Variants in ASAP1 observed in about 807,000 individuals in gnomAD.
ASAP1 encodes arf-GAP with SH3 domain, ANK repeat and PH domain-containing protein 1.
Under a neutral mutation model 145.2 loss-of-function variants are expected in ASAP1, and 43 were observed. The ratio of observed to expected loss-of-function variants is 0.30; its 90% CI spans 0.23 to 0.38. ASAP1 has a LOEUF of 0.38. Ranked by LOEUF, ASAP1 falls within the 10% of genes least tolerant of loss-of-function variation. ASAP1 has a pLI of 1.00. For synonymous variants in ASAP1, 546 were observed against 515.5 expected (o/e 1.06, Z -0.80); for missense variants, 1,018 against 1,355.3 (o/e 0.75, Z 3.91).
intron 23 of ASAP1, among the ~76,000 whole-genome samples, chr8:130,114,100 T>A (rs747035172): frequency 6.6e-6 from 1 of 152,198 alleles, no homozygotes; most frequent in Non-Finnish European, 1.5e-5. Context: ...TCAATAAAGA[T>A]GATCTGAGAT....
At chr8:130,278,071 GA>G (rs200810772) in intron 3 of ASAP1, among the ~76,000 whole-genome samples, 3,057 of 108,100 alleles carry the variant, frequency 0.028, 76 homozygotes, top group African/African-American at 0.082. Flanking sequence ...TTGAAAACCA[GA>G]AAAAAAAAAA....
chr8:130,100,425 G>A (rs987921856), intron 24 of ASAP1, among the ~76,000 whole-genome samples: 1 of 151,962 alleles, frequency 6.6e-6, no homozygotes, highest in Non-Finnish European at 1.5e-5. Context: ...CGCCTCCCAG[G>A]TTCGGGTGAT....
In ASAP1 at chr8:130,443,034, G is replaced by A. The variant is rs542870558; in HGVS notation, c.-28+426C>T. Among the ~76,000 whole-genome samples, 5 of 152,240 alleles carry A rather than the reference G, an allele frequency of 3.3e-5. No individual in the cohort carries two copies. The South Asian group carries it at 1.0e-3, about 32-fold the overall frequency. ...GTCCGGGTAGGGGCCGGGGGCCGCG[G>A]GGAACTTTCCTCGGCTGCACCAGAG... On this transcript the variant is annotated intron_variant, in intron 1 of 29. Coordinates refer to ENST00000518721, the MANE Select transcript of ASAP1 (RefSeq NM_018482.4).
intron 28 of ASAP1, among the ~76,000 whole-genome samples, chr8:130,059,853 G>A (rs1443294684): frequency 1.3e-5 from 2 of 152,004 alleles, no homozygotes; most frequent in Admixed American, 6.6e-5. Flanking sequence ...CAAGATGGGA[G>A]GAGTGCTTGA....
chr8:130,205,382 G>GAAAAAAAAAAAAAAA (rs771590453), intron 5 of ASAP1, among the ~76,000 whole-genome samples: 1 of 57,056 alleles, frequency 1.8e-5, no homozygotes, highest in African/African-American at 6.0e-5. Flanking sequence ...ATCCTTATAA[G>GAAAAAAAAAAAAAAA]AAAAAAAAAA....
intron 27 of ASAP1, among the ~76,000 whole-genome samples, chr8:130,073,407 A>T: frequency 6.6e-6 from 1 of 150,882 alleles, no homozygotes; most frequent in Middle Eastern, 3.4e-3. Context: ...AAAAAAAAAC[A>T]AATACAAATG....
rs771887908 is a variant in ASAP1 at position 130,060,813 on chromosome 8, C to T, written c.2958G>A (p.Met986Ile). ...QLSDLPPKPQ[M>I]KDLPPKPQLG... ...GCTGTGGTTTGGGGGGCAGGTCCTT[C>T]ATCTGTGGTTTGGGAGGTAAGTCTG... Residue 986 changes from methionine (M) to isoleucine (I), a missense_variant, in exon 28 of 30, where the codon ATG becomes ATA. By Grantham distance (10) the Met-to-Ile change is conservative (BLOSUM62 1). Coordinates refer to ENST00000518721, the MANE Select transcript of ASAP1 (RefSeq NM_018482.4). 1.9e-6 allele frequency: 3 copies of T among 1,613,154 alleles called. No individual in the cohort carries two copies. In the African/African-American group the frequency reaches 4.0e-5, roughly 22 times the overall value.
intron 3 of ASAP1, among the ~76,000 whole-genome samples, chr8:130,261,010 C>A (rs1044596829): frequency 3.3e-5 from 5 of 152,076 alleles, no homozygotes; most frequent in African/African-American, 9.7e-5. Flanking sequence ...GAGATGCAGT[C>A]CACATTTATT....
chr8:130,244,760 A>C (rs1381514685), intron 3 of ASAP1, among the ~76,000 whole-genome samples: 4 of 152,134 alleles, frequency 2.6e-5, no homozygotes, highest in Non-Finnish European at 5.9e-5. Context: ...GGAGCTAACT[A>C]AGAGTGTCCC....
intron 3 of ASAP1, among the ~76,000 whole-genome samples, chr8:130,349,530 T>C (rs1045851955): frequency 2.0e-5 from 3 of 152,194 alleles, no homozygotes; most frequent in African/African-American, 4.8e-5. Context: ...ATGAGGAAAG[T>C]AGGACACAGT....
chr8:130,306,175 TAGAG>T (rs1010370273), intron 3 of ASAP1, among the ~76,000 whole-genome samples: 3 of 152,216 alleles, frequency 2.0e-5, no homozygotes, highest in African/African-American at 7.2e-5. Flanking sequence ...ACGGGTTTCT[TAGAG>T]AGATTCAGGG....
At chr8:130,308,584 A>G (rs1823132840) in intron 3 of ASAP1, among the ~76,000 whole-genome samples, 1 of 152,276 alleles carries the variant, frequency 6.6e-6, no homozygotes, top group South Asian at 2.1e-4. Flanking sequence ...AGCAATTAAC[A>G]TTAGCATCAG....
At chr8:130,256,621 T>C (rs1020218827) in intron 3 of ASAP1, among the ~76,000 whole-genome samples, 2 of 151,494 alleles carry the variant, frequency 1.3e-5, no homozygotes, top group Admixed American at 1.3e-4. Flanking sequence ...AGGGCAAAAA[T>C]GTATTCACTT....
At chr8:130,124,327 T>C (rs2097571533) in intron 17 of ASAP1, among the ~76,000 whole-genome samples, 2 of 152,232 alleles carry the variant, frequency 1.3e-5, no homozygotes, top group African/African-American at 4.8e-5. Flanking sequence ...CTATGTTCCC[T>C]TTCCATAGAT....
chr8:130,228,759 C>T (rs1469549029), intron 4 of ASAP1, among the ~76,000 whole-genome samples: 1 of 148,970 alleles, frequency 6.7e-6, no homozygotes, highest in Non-Finnish European at 1.5e-5. Context: ...AAACCTTTAA[C>T]TTGAAAAATA....
At chr8:130,318,011 A>G (rs1475074625) in intron 3 of ASAP1, among the ~76,000 whole-genome samples, 2 of 152,224 alleles carry the variant, frequency 1.3e-5, no homozygotes, top group Non-Finnish European at 2.9e-5. Flanking sequence ...GACGTGCAGA[A>G]AGCATCCACT....
At chr8:130,081,824 A>C (rs760395235) in intron 25 of ASAP1, among the ~76,000 whole-genome samples, 6 of 152,250 alleles carry the variant, frequency 3.9e-5, no homozygotes, top group Non-Finnish European at 5.9e-5. Flanking sequence ...ACGCCCTGAT[A>C]GTAACATTAT....
chr8:130,243,686 C>A (rs1421468801), intron 3 of ASAP1, among the ~76,000 whole-genome samples: 1 of 152,156 alleles, frequency 6.6e-6, no homozygotes. Context: ...AAATCTTTTT[C>A]TTAAAACTCT....
At chr8:130,387,644 G>A (rs548940485) in intron 2 of ASAP1, among the ~76,000 whole-genome samples, 48 of 144,862 alleles carry the variant, frequency 3.3e-4, no homozygotes, top group African/African-American at 1.1e-3. Context: ...ATGACAGAGC[G>A]AGACTCCATC....
Sources: gnomAD v4.1 joint callset for allele counts (sites outside exome capture counted in the v4.1 genomes callset) on GRCh38, gnomAD v4.1.1 for gene constraint, MANE v1.5 for transcripts, NCBI Gene and HGNC (gene_info 2026-07-23, HGNC 2026-07-21) for gene names.